Variants in PINX1 observed in about 807,000 individuals in gnomAD.
PINX1 encodes the protein PIN2/TERF1-interacting telomerase inhibitor 1.
Under a neutral mutation model 25.4 loss-of-function variants are expected in PINX1, and 34 were observed. The ratio of observed to expected loss-of-function variants is 1.34; its 90% confidence interval spans 1.02 to 1.78. PINX1 has a LOEUF of 1.78. Among genes scored for constraint, PINX1 ranks in the 40% most tolerant of loss-of-function variants. PINX1 has a pLI of 0.00. For synonymous variants in PINX1, 197 were observed against 147.7 expected (o/e 1.33, Z -2.42); for missense variants, 592 against 404.9 (o/e 1.46, Z -3.97).
intron 6 of PINX1, among the ~76,000 whole-genome samples, chr8:10,771,811 A>T (rs1490935803): frequency 6.6e-6 from 1 of 151,866 alleles, no homozygotes; most frequent in South Asian, 2.1e-4. Flanking sequence ...ACATGAAACC[A>T]CCCCCTTCTC....
rs980134101 is a variant in PINX1 at position 10,826,199 on chromosome 8, T to C, written c.347A>G (p.Lys116Arg). ...AACACGGTTTTTGGAGATTTTGGACTTTTCCTCAAGGCTAAAAGATTTCTT... is the reference window on the plus strand; with the variant it reads ...AACACGGTTTTTGGAGATTTTGGACCTTTCCTCAAGGCTAAAAGATTTCTT... ...KEKKSFSLEE[K>R]SKISKNRVHY... The change falls in exon 5 of 7, where the codon AAG becomes AGG. Residue 116 changes from lysine to arginine, a missense_variant. Coordinates refer to ENST00000314787, the MANE Select transcript of PINX1 (RefSeq NM_017884.6). 3.1e-6 allele frequency: 5 copies of C among 1,598,844 alleles called. No individual in the cohort carries two copies. In the African/African-American group the frequency reaches 6.7e-5, roughly 21 times the overall value.
At chr8:10,782,203 G>A (rs1467655069) in intron 6 of PINX1, among the ~76,000 whole-genome samples, 1 of 152,138 alleles carries the variant, frequency 6.6e-6, no homozygotes, top group Non-Finnish European at 1.5e-5. Context: ...GTAGGTCAAA[G>A]GATGCAAAGT....
chr8:10,822,892 T>C (rs969301898), intron 5 of PINX1, among the ~76,000 whole-genome samples: 2 of 152,242 alleles, frequency 1.3e-5, no homozygotes, highest in African/African-American at 4.8e-5. Flanking sequence ...GTAGCTTCAA[T>C]AGTTTAGAAA....
At chr8:10,815,522 T>C (rs971780178) in intron 6 of PINX1, among the ~76,000 whole-genome samples, 1 of 152,214 alleles carries the variant, frequency 6.6e-6, no homozygotes, top group Non-Finnish European at 1.5e-5. Context: ...GACTTTTAAA[T>C]GCATAGTCTT....
At chr8:10,770,097 T>G (rs998107798) in intron 6 of PINX1, among the ~76,000 whole-genome samples, 2 of 152,236 alleles carry the variant, frequency 1.3e-5, no homozygotes, top group African/African-American at 2.4e-5. Flanking sequence ...TTGAAAAAGT[T>G]TGACTGTTTT....
intron 6 of PINX1, among the ~76,000 whole-genome samples, chr8:10,792,800 C>G (rs1801965051): frequency 6.6e-6 from 1 of 152,196 alleles, no homozygotes; most frequent in African/African-American, 2.4e-5. Flanking sequence ...TTGTATTCCT[C>G]ATGGCATAGC....
At chr8:10,784,188 G>A (rs1008627026) in intron 6 of PINX1, among the ~76,000 whole-genome samples, 1 of 152,158 alleles carries the variant, frequency 6.6e-6, no homozygotes, top group African/African-American at 2.4e-5. Context: ...ATAGCAGGGA[G>A]GACACAGGGG....
intron 3 of PINX1, among the ~76,000 whole-genome samples, chr8:10,832,209 G>A (rs532996267): frequency 2.6e-5 from 4 of 152,254 alleles, no homozygotes; most frequent in Non-Finnish European, 5.9e-5. Flanking sequence ...CTCTGAGGAA[G>A]GGGAGGAGGA....
chr8:10,800,794 G>A (rs1802242276), intron 6 of PINX1, among the ~76,000 whole-genome samples: 1 of 152,110 alleles, frequency 6.6e-6, no homozygotes, highest in South Asian at 2.1e-4. Flanking sequence ...ATTTCTTAAT[G>A]TTACACTAGC....
intron 6 of PINX1, among the ~76,000 whole-genome samples, chr8:10,771,639 C>G (rs1801226005): frequency 6.6e-6 from 1 of 152,236 alleles, no homozygotes; most frequent in Admixed American, 6.5e-5. Flanking sequence ...CCAAACCCAG[C>G]TGGACCAAGG....
At chr8:10,780,380 G>A (rs1266663325) in intron 6 of PINX1, among the ~76,000 whole-genome samples, 2 of 152,098 alleles carry the variant, frequency 1.3e-5, no homozygotes, top group African/African-American at 4.8e-5. Context: ...ATTTTGTTGA[G>A]AAATTTTCTT....
In PINX1 at chr8:10,793,088, G is replaced by A. The variant is rs183167458; in HGVS notation, c.471+27105C>T. ...CATCTACTGAGTGCCTACTATGCGCGAACACTCTGCTAGGGGTAGATACAC... is the reference window on the plus strand; with the variant it reads ...CATCTACTGAGTGCCTACTATGCGCAAACACTCTGCTAGGGGTAGATACAC... On this transcript the variant is annotated intron_variant, in intron 6 of 6. Transcript: ENST00000314787. Among the ~76,000 whole-genome samples, 135 of 152,178 alleles carry A rather than the reference G, an allele frequency of 8.9e-4. 3 individuals carry two copies. Among genetic ancestry groups the A allele is most frequent in the East Asian group, 1.2e-3 (6 of 5,178 alleles).
chr8:10,772,709 G>C (rs1425643917), intron 6 of PINX1, among the ~76,000 whole-genome samples: 1 of 152,238 alleles, frequency 6.6e-6, no homozygotes, highest in African/African-American at 2.4e-5. Flanking sequence ...ACTGAAGAGA[G>C]TTGTGATTTG....
chr8:10,804,566 T>A lies in PINX1; in HGVS notation c.471+15627A>T, dbSNP rs74498828. On this transcript the variant is annotated intron_variant, in intron 6 of 6. Transcript: ENST00000314787. ...ATTGGAGAAGAGCCGATTTTGAGAA[T>A]AAGCTCTCAAAACGCTCTGAAAGGA... Among the ~76,000 whole-genome samples the A allele has an allele frequency of 2.4e-3, 364 of 152,108 alleles. 2 individuals are homozygous for A. Among genetic ancestry groups the A allele is most frequent in the African/African-American group, 8.6e-3 (355 of 41,488 alleles).
At chr8:10,775,410 G>GTTTTTTTTTTTTTTTTT (rs143926728) in intron 6 of PINX1, among the ~76,000 whole-genome samples, 10 of 109,594 alleles carry the variant, frequency 9.1e-5, no homozygotes, top group Non-Finnish European at 1.5e-4. Flanking sequence ...CTGTTTTGTG[G>GTTTTTTTTTTTTTTTTT]TTTTTTTTTT....
intron 1 of PINX1, among the ~76,000 whole-genome samples, chr8:10,839,395 C>G (rs1425696907): frequency 6.6e-6 from 1 of 152,230 alleles, no homozygotes; most frequent in East Asian, 1.9e-4. Context: ...AAGCTGAGGT[C>G]CGGGGTGGGT....
chr8:10,792,123 A>AG (rs1319396023), intron 6 of PINX1, among the ~76,000 whole-genome samples: 5 of 152,166 alleles, frequency 3.3e-5, no homozygotes, highest in African/African-American at 1.2e-4. Flanking sequence ...AGCTATTTAG[A>AG]GACCTAGAGA....
At chr8:10,803,965 T>C (rs1394018028) in intron 6 of PINX1, among the ~76,000 whole-genome samples, 1 of 152,160 alleles carries the variant, frequency 6.6e-6, no homozygotes, top group Non-Finnish European at 1.5e-5. Flanking sequence ...CCCATGAGTA[T>C]TAAAGAAGTT....
At chr8:10,780,574 C>G (rs1346916819) in intron 6 of PINX1, among the ~76,000 whole-genome samples, 1 of 151,132 alleles carries the variant, frequency 6.6e-6, no homozygotes, top group African/African-American at 2.4e-5. Context: ...GAAAACCTAG[C>G]TGAAAAAGAA....
Sources: allele counts gnomAD v4.1 joint callset (sites outside exome capture counted in the v4.1 genomes callset), GRCh38; gene constraint gnomAD v4.1.1; transcripts MANE v1.5; gene names NCBI Gene and HGNC (gene_info 2026-07-23, HGNC 2026-07-21).